The following CCDC149 variants were observed in gnomAD, a reference collection of about 807,000 sequenced individuals.
The protein encoded by CCDC149 is coiled-coil domain-containing protein 149.
A neutral mutation model predicts 59.9 loss-of-function variants in CCDC149; 45 were observed. The ratio of observed to expected loss-of-function variants is 0.75; its 90% confidence interval spans 0.59 to 0.96. The LOEUF (loss-of-function observed/expected upper bound fraction) is 0.96, where lower values mean the gene tolerates loss of function less well. CCDC149 is among the 40% of genes least tolerant of loss of function. The pLI is 0.00. For missense variants in CCDC149, 584 were observed against 664.7 expected (o/e 0.88, Z 1.33); for synonymous variants, 245 against 260.6 (o/e 0.94, Z 0.58).
intron 1 of CCDC149, among the ~76,000 whole-genome samples, chr4:24,952,129 C>T (rs377713508): frequency 5.3e-5 from 8 of 152,152 alleles, no homozygotes; most frequent in South Asian, 2.1e-4. Context: ...CACTCACAAC[C>T]CCACTCCTCT....
chr4:24,832,031 A>G (rs1716187023), intron 8 of CCDC149, among the ~76,000 whole-genome samples: 1 of 152,232 alleles, frequency 6.6e-6, no homozygotes, highest in African/African-American at 2.4e-5. Flanking sequence ...CATTGGCTGA[A>G]GGTCACACAG....
intron 3 of CCDC149, among the ~76,000 whole-genome samples, chr4:24,858,876 T>G (rs1560221716): frequency 6.6e-6 from 1 of 152,192 alleles, no homozygotes; most frequent in Non-Finnish European, 1.5e-5. Context: ...CGAGGTAGGT[T>G]AGCCACATGG....
chr4:24,893,403 C>T (rs1200299777), intron 1 of CCDC149, among the ~76,000 whole-genome samples: 1 of 152,016 alleles, frequency 6.6e-6, no homozygotes, highest in Non-Finnish European at 1.5e-5. Context: ...AAATAAAATA[C>T]CAACATACCC....
chr4:24,931,310 A>AAAAAAAATATATATATATATATATAT (rs1553862434), intron 1 of CCDC149, among the ~76,000 whole-genome samples: 1 of 138,266 alleles, frequency 7.2e-6, no homozygotes, highest in African/African-American at 2.8e-5. Flanking sequence ...TTTATTTTAA[A>AAAAAAAATATATATATATATATATAT]ATATATATAT....
chr4:24,959,590 C>G (rs145048948), intron 1 of CCDC149, among the ~76,000 whole-genome samples: 62 of 152,238 alleles, frequency 4.1e-4, no homozygotes, highest in African/African-American at 1.3e-3. Flanking sequence ...GAAACCCATA[C>G]CAAGGCATAG....
At chr4:24,976,099 G>A (rs570925397) in intron 1 of CCDC149, among the ~76,000 whole-genome samples, 54 of 152,268 alleles carry the variant, frequency 3.5e-4, no homozygotes, top group African/African-American at 1.1e-3. Flanking sequence ...TTTGAGCCCC[G>A]TGTTTAGCTG....
At chr4:24,903,933 T>C (rs1721326422) in intron 1 of CCDC149, among the ~76,000 whole-genome samples, 1 of 152,028 alleles carries the variant, frequency 6.6e-6, no homozygotes, top group Non-Finnish European at 1.5e-5. Flanking sequence ...CCTGGGTAAC[T>C]GGGATTACAG....
rs368082772 is a variant in CCDC149 at position 24,862,696 on chromosome 4, C to A, written c.265-9517G>T. Among the ~76,000 whole-genome samples, 3 of 152,338 alleles carry A rather than the reference C, an allele frequency of 2.0e-5. No individual in the cohort carries two copies. The East Asian group carries it at 5.8e-4, about 29-fold the overall frequency. ...GACACAATATTCTTCATAAACAAAT[C>A]TTACCAAAATAACCCTTATCTTTCA... is the stretch of plus-strand genomic sequence containing the variant. On this transcript the variant is annotated intron_variant, in intron 3 of 12. Transcript: ENST00000635206.
chr4:24,817,485 A>G (rs947327461), intron 12 of CCDC149, among the ~76,000 whole-genome samples: 5 of 152,028 alleles, frequency 3.3e-5, no homozygotes, highest in Non-Finnish European at 7.4e-5. Context: ...CACTCCATGC[A>G]GTATTATGGT....
chr4:24,884,544 A>C (rs2109268237), intron 1 of CCDC149, among the ~76,000 whole-genome samples: 1 of 152,350 alleles, frequency 6.6e-6, no homozygotes, highest in South Asian at 2.1e-4. Context: ...TAACTACAGT[A>C]CACTAAACAC....
At chr4:24,821,287 C>T (rs1293782893) in intron 10 of CCDC149, among the ~76,000 whole-genome samples, 200 bp from the exon 11 acceptor site, 2 of 152,066 alleles carry the variant, frequency 1.3e-5, no homozygotes, top group African/African-American at 4.8e-5. Flanking sequence ...ATAAAAACCC[C>T]CGTTCATGCA....
intron 1 of CCDC149, among the ~76,000 whole-genome samples, chr4:24,975,354 G>A (rs1724134768): frequency 7.0e-6 from 1 of 142,596 alleles, no homozygotes; most frequent in African/African-American, 2.6e-5. Context: ...AGAGGGAGGG[G>A]AGGGGAGGAG....
chr4:24,952,852 C>A (rs760170000), intron 1 of CCDC149, among the ~76,000 whole-genome samples: 2 of 151,750 alleles, frequency 1.3e-5, no homozygotes, highest in African/African-American at 2.4e-5. Flanking sequence ...TTCCCCATCC[C>A]CTGGCAACCA....
chr4:24,860,203 G>A (rs1226489682), intron 3 of CCDC149, among the ~76,000 whole-genome samples: 1 of 152,124 alleles, frequency 6.6e-6, no homozygotes, highest in Non-Finnish European at 1.5e-5. Context: ...ATACCATTAG[G>A]CCATAGTCAC....
chr4:24,856,787 C>T (rs1422616425), intron 3 of CCDC149, among the ~76,000 whole-genome samples: 1 of 152,252 alleles, frequency 6.6e-6, no homozygotes, highest in East Asian at 1.9e-4. Flanking sequence ...TGCCTTTCCT[C>T]CACGGAACTC....
chr4:24,853,099 C>A lies in CCDC149; in HGVS notation c.345G>T (p.Arg115Ser). ...TGTTGTCGCCCTGGACTTCTCCAAG[C>A]CTTTGCTGAAGTTCTTTAATTTCTT... Residue 115 changes from arginine (R) to serine (S), a missense_variant, in exon 4 of 13, where the codon AGG (arginine) becomes AGT (serine). Arg to Ser is a moderately radical substitution (Grantham distance 110). Coordinates refer to ENST00000635206, the MANE Select transcript of CCDC149 (RefSeq NM_001330643.2). 1 of 1,613,178 alleles carries A rather than the reference C, an allele frequency of 6.2e-7. No homozygotes were observed. Among genetic ancestry groups the A allele is most frequent in the East Asian group, 2.2e-5 (1 of 44,880 alleles).
At chr4:24,929,500 G>A (rs1028797675) in intron 1 of CCDC149, among the ~76,000 whole-genome samples, 18 of 152,246 alleles carry the variant, frequency 1.2e-4, no homozygotes, top group Non-Finnish European at 8.8e-5. Context: ...AATAGAAACT[G>A]TGGAGATAGG....
intron 1 of CCDC149, chr4:24,894,958 C>T (rs59614850): frequency 0.18 from 282,472 of 1,534,724 alleles, 27,425 homozygotes; most frequent in Admixed American, 0.31. Context: ...AAAACATAGG[C>T]TTAAAGTCCC....
downstream of CCDC149, among the ~76,000 whole-genome samples, chr4:24,804,405 C>T (rs938760711): frequency 4.0e-5 from 6 of 149,242 alleles, no homozygotes; most frequent in South Asian, 2.1e-4. Flanking sequence ...GCAGGAGAAT[C>T]GCTTGAACTC....
Sources: allele counts gnomAD v4.1 joint callset (sites outside exome capture counted in the v4.1 genomes callset), GRCh38; gene constraint gnomAD v4.1.1; transcripts MANE v1.5; gene names NCBI Gene and HGNC (gene_info 2026-07-23, HGNC 2026-07-21).